TECRL: variants seen among roughly 807,000 people sequenced by gnomAD.
TECRL encodes the protein trans-2,3-enoyl-CoA reductase-like.
In TECRL, 63 loss-of-function variants were observed where a neutral mutation model predicts 52.8. The ratio of observed to expected loss-of-function variants is 1.19; its 90% CI spans 0.97 to 1.47. The LOEUF (loss-of-function observed/expected upper bound fraction) is 1.47. Among genes scored for constraint, TECRL ranks in the 40% most tolerant of loss-of-function variants. The pLI is 0.00. For synonymous variants in TECRL, 164 were observed against 141.9 expected, an observed-to-expected ratio of 1.16 and a Z score of -1.10; for missense variants, 482 against 429.6, an observed-to-expected ratio of 1.12 and a Z score of -1.08.
At chr4:64,408,986 A>G in intron 1 of TECRL, 132 bp downstream of exon 1, 1 of 813,302 alleles carries the variant, frequency 1.2e-6, no homozygotes, top group Non-Finnish European at 1.9e-6. Flanking sequence ...CCTGTTCACC[A>G]CAAAATTAAG....
intron 1 of TECRL, among the ~76,000 whole-genome samples, chr4:64,375,531 C>A (rs1029083086): frequency 6.6e-6 from 1 of 151,916 alleles, no homozygotes; most frequent in Non-Finnish European, 1.5e-5. Context: ...TTTTCCACAT[C>A]TCATAAAACT....
intron 11 of TECRL, 69 bp from the exon 12 acceptor site, chr4:64,280,268 C>A: frequency 8.5e-7 from 1 of 1,173,430 alleles, no homozygotes; most frequent in Non-Finnish European, 1.1e-6. Context: ...GGAAAAGGAT[C>A]CCTAGCATGT....
chr4:64,353,476 G>A (rs964355442), intron 2 of TECRL, among the ~76,000 whole-genome samples: 7 of 152,156 alleles, frequency 4.6e-5, no homozygotes, highest in East Asian at 1.9e-4. Context: ...GATATAGTAT[G>A]GTATAAAGTT....
rs182285928 is a variant in TECRL, at chr4:64,307,212, C to A, written c.658-1974G>T. ...GATGCTTTTTAAAGATTTAAGGACA[C>A]CCCCCCTTCATTAATGTTTCTTGCC... On this transcript the variant is annotated intron_variant, in intron 6 of 11. Coordinates refer to ENST00000381210, the MANE Select transcript of TECRL (RefSeq NM_001010874.5). Among the ~76,000 whole-genome samples the A allele has an allele frequency of 4.0e-3, 614 of 152,090 alleles. 2 individuals carry two copies. The highest frequency in any genetic ancestry group is 6.0e-3 in the Non-Finnish European group (408 of 67,994).
rs143688645 is a variant in TECRL at position 64,354,952 on chromosome 4, T to C, written c.286+20220A>G. On this transcript the variant is annotated intron_variant, in intron 2 of 11. Coordinates refer to ENST00000381210, the MANE Select transcript of TECRL (RefSeq NM_001010874.5). ...AAGTAAGTAAACTATTTTCCTTTAGTAAAAAGAACCATGATATGGATAAGT... is the reference window on the plus strand; with the variant it reads ...AAGTAAGTAAACTATTTTCCTTTAGCAAAAAGAACCATGATATGGATAAGT... Among the ~76,000 whole-genome samples the C allele has an allele frequency of 7.5e-3, 1,145 of 152,224 alleles. 13 individuals carry two copies. Among genetic ancestry groups the C allele is most frequent in the African/African-American group, 0.025 (1,048 of 41,542 alleles).
chr4:64,377,094 A>G (rs1173312525), intron 1 of TECRL, among the ~76,000 whole-genome samples: 1 of 152,016 alleles, frequency 6.6e-6, no homozygotes, highest in African/African-American at 2.4e-5. Flanking sequence ...GTTTTCCTGA[A>G]CGAAACCTTC....
intron 9 of TECRL, 28 bp from the exon 10 acceptor site, chr4:64,281,587 T>C (rs780031720): frequency 3.1e-6 from 4 of 1,284,862 alleles, no homozygotes; most frequent in Non-Finnish European, 3.4e-6. Flanking sequence ...AAAATGTCAA[T>C]GATGCTACAC....
intron 2 of TECRL, among the ~76,000 whole-genome samples, chr4:64,371,615 C>T (rs1352492945): frequency 6.6e-6 from 1 of 151,596 alleles, no homozygotes; most frequent in Non-Finnish European, 1.5e-5. Context: ...ATATCACATT[C>T]ATCTGCTTTT....
intron 5 of TECRL, among the ~76,000 whole-genome samples, chr4:64,312,065 G>T (rs899213489): frequency 6.6e-6 from 1 of 152,138 alleles, no homozygotes; most frequent in African/African-American, 2.4e-5. Context: ...TTTAGTCCCC[G>T]TGTGCGGAGG....
chr4:64,355,639 A>C (rs1164812403), intron 2 of TECRL, among the ~76,000 whole-genome samples: 1 of 151,538 alleles, frequency 6.6e-6, no homozygotes, highest in East Asian at 1.9e-4. Flanking sequence ...TCTACTAAAA[A>C]TCCAAAAAAA....
intron 6 of TECRL, among the ~76,000 whole-genome samples, chr4:64,305,979 C>T (rs1211362448): frequency 6.6e-6 from 1 of 152,128 alleles, no homozygotes; most frequent in Non-Finnish European, 1.5e-5. Context: ...TGTCCATGTT[C>T]CTTATTCTTC....
chr4:64,381,584 C>CT (rs924467819), intron 1 of TECRL, among the ~76,000 whole-genome samples: 6 of 151,020 alleles, frequency 4.0e-5, no homozygotes, highest in African/African-American at 1.2e-4. Flanking sequence ...TGAGAGGTTT[C>CT]TTTTTTTTAA....
chr4:64,330,200 T>C (rs1718543148), intron 2 of TECRL, among the ~76,000 whole-genome samples: 1 of 152,076 alleles, frequency 6.6e-6, no homozygotes, highest in Admixed American at 6.6e-5. Flanking sequence ...AACCGTGAAG[T>C]GTCTGGTAGT....
At chr4:64,385,573 C>G (rs1723120049) in intron 1 of TECRL, among the ~76,000 whole-genome samples, 1 of 152,098 alleles carries the variant, frequency 6.6e-6, no homozygotes. Flanking sequence ...GCCATGTTGC[C>G]ATAGCTTTCT....
intron 2 of TECRL, among the ~76,000 whole-genome samples, chr4:64,344,996 A>C (rs1362679953): frequency 6.6e-6 from 1 of 152,158 alleles, no homozygotes; most frequent in Non-Finnish European, 1.5e-5. Context: ...GCAAATCAAA[A>C]CCACAATGAG....
At chr4:64,303,416 GA>G (rs1724134835) in intron 7 of TECRL, among the ~76,000 whole-genome samples, 1 of 151,700 alleles carries the variant, frequency 6.6e-6, no homozygotes, top group Admixed American at 6.6e-5. Context: ...TCATTTTTGT[GA>G]AGGGGATCTC....
chr4:64,351,885 C>A (rs1429159663), intron 2 of TECRL, among the ~76,000 whole-genome samples: 1 of 152,100 alleles, frequency 6.6e-6, no homozygotes, highest in Non-Finnish European at 1.5e-5. Flanking sequence ...ATGCCTAATA[C>A]CAATCCATTG....
At chr4:64,403,841 G>A (rs548034011) in intron 1 of TECRL, among the ~76,000 whole-genome samples, 2 of 147,082 alleles carry the variant, frequency 1.4e-5, no homozygotes, top group Admixed American at 1.4e-4. Flanking sequence ...AGAGTAGATG[G>A]AGCAAAAGAG....
rs928129951 is a variant in TECRL at position 64,352,644 on chromosome 4, G to T, written c.286+22528C>A. On this transcript the variant is annotated intron_variant, in intron 2 of 11. Coordinates refer to ENST00000381210, the MANE Select transcript of TECRL (RefSeq NM_001010874.5). ...TATATGTCTTTATTTTTTAACTATA[G>T]CATTACTTCCTCTATAGTAAAATTG... Among the ~76,000 whole-genome samples the T allele has an allele frequency of 1.1e-4, 16 of 152,146 alleles. 1 individual carries two copies. The highest frequency in any genetic ancestry group is 3.1e-4 in the African/African-American group (13 of 41,510).
Sources: allele counts gnomAD v4.1 joint callset (sites outside exome capture counted in the v4.1 genomes callset), GRCh38; gene constraint gnomAD v4.1.1; transcripts MANE v1.5; gene names NCBI Gene and HGNC (gene_info 2026-07-23, HGNC 2026-07-21).